Variants in RBFOX1 observed in about 807,000 individuals in gnomAD.
RBFOX1 encodes RNA binding fox-1 homolog 1.
Under a neutral mutation model 57.7 loss-of-function variants are expected in RBFOX1, and 8 were observed. That is an observed-to-expected ratio of 0.14 (90% CI 0.08 to 0.25). RBFOX1 has a LOEUF of 0.25. Among genes scored for constraint, RBFOX1 ranks in the 10% least tolerant of loss-of-function variants. The pLI, the probability that RBFOX1 is intolerant of heterozygous loss-of-function variation, is 1.00. For missense variants in RBFOX1, 611 were observed against 548.5 expected (o/e 1.11, Z -1.14); for synonymous variants, 326 against 222.4 (o/e 1.47, Z -4.15).
At position 6,832,581 on chromosome 16, in the gene RBFOX1, G is replaced by T. The variant is rs1404389729; in HGVS notation, c.-16+177931G>T. Among the ~76,000 whole-genome samples the T allele has an allele frequency of 3.3e-5, 5 of 152,330 alleles. No homozygotes were observed. The East Asian group carries it at 9.6e-4, about 29-fold the overall frequency. ...TCTCAGGGGCTGGGTGCTTGCAGCA[G>T]CCGCAGACGGAAAGTGAAGGTTTCT... On this transcript the variant is annotated intron_variant, in intron 3 of 15. Coordinates refer to ENST00000550418, the MANE Select transcript of RBFOX1 (RefSeq NM_018723.4).
chr16:6,045,288 G>A (rs1372110954), intron 1 of RBFOX1, among the ~76,000 whole-genome samples: 1 of 152,176 alleles, frequency 6.6e-6, no homozygotes, highest in Non-Finnish European at 1.5e-5. Flanking sequence ...ATTTGGGTGG[G>A]TACAGATACC....
chr16:5,730,913 C>T (rs1379881108), intron 3 of RBFOX1, among the ~76,000 whole-genome samples: 1 of 152,078 alleles, frequency 6.6e-6, no homozygotes, highest in African/African-American at 2.4e-5. Flanking sequence ...TCAACATCTC[C>T]ACTGCCATTG....
At chr16:5,404,866 AC>A (rs1272204881) in intron 1 of RBFOX1, among the ~76,000 whole-genome samples, 2 of 152,228 alleles carry the variant, frequency 1.3e-5, no homozygotes, top group Non-Finnish European at 2.9e-5. Flanking sequence ...CAAAGTCTTA[AC>A]CACCAGGAAA....
chr16:7,467,729 T>G (rs2150794718), intron 4 of RBFOX1, among the ~76,000 whole-genome samples: 1 of 152,344 alleles, frequency 6.6e-6, no homozygotes, highest in South Asian at 2.1e-4. Flanking sequence ...GGGACACCCC[T>G]TATCTTCCCA....
chr16:6,757,692 C>G (rs548082231), intron 3 of RBFOX1, among the ~76,000 whole-genome samples: 2 of 152,180 alleles, frequency 1.3e-5, no homozygotes, highest in African/African-American at 4.8e-5. Flanking sequence ...TAAGTACAAA[C>G]ATATGGTTAG....
intron 4 of RBFOX1, among the ~76,000 whole-genome samples, chr16:7,330,492 GTGTGTGTGTGTGTGTGTT>G (rs550290587): frequency 0.012 from 1,548 of 124,272 alleles, 36 homozygotes; most frequent in African/African-American, 0.051. Flanking sequence ...GTGTGTGTGT[GTGTGTGTGTGTGTGTGTT>G]TGTGTGTGTG....
At chr16:5,755,159 C>T (rs1207768547) in intron 3 of RBFOX1, among the ~76,000 whole-genome samples, 7 of 122,258 alleles carry the variant, frequency 5.7e-5, no homozygotes, top group African/African-American at 2.3e-4. Flanking sequence ...GCACATCCTG[C>T]ACCGCCCTTA....
intron 4 of RBFOX1, among the ~76,000 whole-genome samples, chr16:7,271,778 G>C (rs9924851): frequency 0.44 from 66,056 of 151,732 alleles, 16,579 homozygotes; most frequent in African/African-American, 0.69. Context: ...CCATAGCTAA[G>C]GGTCTCTTAG....
intron 3 of RBFOX1, among the ~76,000 whole-genome samples, chr16:5,813,064 G>T (rs2055491715): frequency 1.3e-5 from 2 of 148,834 alleles, no homozygotes; most frequent in Non-Finnish European, 3.0e-5. Flanking sequence ...CTGCAGTGCA[G>T]TGGTGCAATC....
chr16:7,226,077 A>G (rs1250957377), intron 4 of RBFOX1, among the ~76,000 whole-genome samples: 1 of 151,948 alleles, frequency 6.6e-6, no homozygotes, highest in Non-Finnish European at 1.5e-5. Flanking sequence ...AATAGTGGCA[A>G]GATGCTCACC....
intron 2 of RBFOX1, among the ~76,000 whole-genome samples, chr16:6,526,327 A>G (rs1447730113): frequency 6.6e-6 from 1 of 152,054 alleles, no homozygotes; most frequent in East Asian, 1.9e-4. Flanking sequence ...TACATGGGAG[A>G]GGTGTTAATA....
At chr16:7,316,745 A>G (rs1292081752) in intron 4 of RBFOX1, among the ~76,000 whole-genome samples, 1 of 151,992 alleles carries the variant, frequency 6.6e-6, no homozygotes. Context: ...GAGGTAGGCA[A>G]GGAGGTGGGG....
chr16:7,199,792 G>A (rs1179742911), intron 4 of RBFOX1, among the ~76,000 whole-genome samples: 2 of 152,278 alleles, frequency 1.3e-5, no homozygotes, highest in East Asian at 1.9e-4. Context: ...TTGCTCAGGA[G>A]GCTGAGACCC....
intron 3 of RBFOX1, among the ~76,000 whole-genome samples, chr16:6,884,341 G>C (rs1301078982): frequency 6.6e-6 from 1 of 152,158 alleles, no homozygotes; most frequent in African/African-American, 2.4e-5. Context: ...GGACCTGGCA[G>C]CTTCTTCCAA....
intron 2 of RBFOX1, among the ~76,000 whole-genome samples, chr16:6,637,430 T>TATATTATATAATATATAAATATATTA (rs1555636558): frequency 0.48 from 11,183 of 23,370 alleles, 3,264 homozygotes; most frequent in Middle Eastern, 1. Flanking sequence ...TATAAATATA[T>TATATTATATAATATATAAATATATTA]TATATAAATA....
intron 1 of RBFOX1, among the ~76,000 whole-genome samples, chr16:6,144,185 A>C (rs913854845): frequency 1.3e-5 from 2 of 152,154 alleles, no homozygotes; most frequent in African/African-American, 2.4e-5. Flanking sequence ...GATTATATCC[A>C]TTAGAATGCC....
intron 1 of RBFOX1, among the ~76,000 whole-genome samples, chr16:6,249,966 T>C (rs927069693): frequency 3.9e-5 from 6 of 151,974 alleles, no homozygotes; most frequent in African/African-American, 4.8e-5. Flanking sequence ...AAGGTTACTC[T>C]GGCAGTGGAG....
intron 4 of RBFOX1, among the ~76,000 whole-genome samples, chr16:7,116,874 A>C (rs1252630561): frequency 6.6e-6 from 1 of 152,158 alleles, no homozygotes; most frequent in Non-Finnish European, 1.5e-5. Flanking sequence ...GGAGTCATCA[A>C]CACAAGATTT....
chr16:7,021,904 C>A (rs906564476), intron 3 of RBFOX1, among the ~76,000 whole-genome samples: 1 of 150,468 alleles, frequency 6.6e-6, no homozygotes, highest in Non-Finnish European at 1.5e-5. Flanking sequence ...TCTTTTCTTT[C>A]TTTCTTTCTT....
Sources: gnomAD v4.1 joint callset for allele counts (sites outside exome capture counted in the v4.1 genomes callset) on GRCh38, gnomAD v4.1.1 for gene constraint, MANE v1.5 for transcripts, NCBI Gene and HGNC (gene_info 2026-07-23, HGNC 2026-07-21) for gene names.